The following COPG2 variants were observed in gnomAD, a reference collection of about 807,000 sequenced individuals.
The protein encoded by COPG2 is coatomer subunit gamma-2.
COPG2 carries 37 observed loss-of-function variants against 46.3 expected under a neutral mutation model. That is an observed-to-expected ratio of 0.80 (90% confidence interval 0.61 to 1.05). The LOEUF (loss-of-function observed/expected upper bound fraction) is 1.05. Among genes scored for constraint, COPG2 ranks in the 50% least tolerant of loss-of-function variants. The pLI, the probability that COPG2 is intolerant of heterozygous loss-of-function variation, is 0.00. For missense variants in COPG2, 427 were observed against 387.8 expected, an observed-to-expected ratio of 1.10 and a Z score of -0.85; for synonymous variants, 159 against 129.7, an observed-to-expected ratio of 1.23 and a Z score of -1.53.
chr7:130,654,070 A>G (rs1795802032), intron 4 of COPG2, among the ~76,000 whole-genome samples: 1 of 152,220 alleles, frequency 6.6e-6, no homozygotes, highest in African/African-American at 2.4e-5. Flanking sequence ...CATCAGGGAA[A>G]TGAAAATTAC....
intron 9 of COPG2, among the ~76,000 whole-genome samples, chr7:130,578,137 G>A (rs1299702191): frequency 1.3e-5 from 2 of 151,120 alleles, no homozygotes; most frequent in African/African-American, 2.4e-5. Context: ...CTCCCAGCAC[G>A]CAGCTGGAGA....
chr7:130,519,377 T>G (rs1324839838), intron 20 of COPG2, among the ~76,000 whole-genome samples: 1 of 152,128 alleles, frequency 6.6e-6, no homozygotes, highest in African/African-American at 2.4e-5. Flanking sequence ...GGACTTAAAA[T>G]GGGTCAGAGC....
intron 20 of COPG2, among the ~76,000 whole-genome samples, chr7:130,537,387 C>T (rs889108762): frequency 3.7e-4 from 55 of 149,100 alleles, no homozygotes; most frequent in East Asian, 3.5e-3. Flanking sequence ...GCAGTGGGTG[C>T]GGGGCCAGGT....
At chr7:130,639,629 C>A (rs1014472071) in intron 5 of COPG2, among the ~76,000 whole-genome samples, 2 of 152,160 alleles carry the variant, frequency 1.3e-5, no homozygotes, top group Non-Finnish European at 2.9e-5. Flanking sequence ...AGGAATCAAC[C>A]CAGTTAGTTT....
chr7:130,607,838 G>C (rs77984511), intron 9 of COPG2: 26,949 of 516,908 alleles, frequency 0.052, 870 homozygotes, highest in Admixed American at 0.1. Flanking sequence ...CAGGAGAATA[G>C]CAAAAAAACC....
intron 9 of COPG2, chr7:130,610,007 A>G (rs958215592): frequency 4.4e-5 from 22 of 503,670 alleles, no homozygotes; most frequent in Non-Finnish European, 7.9e-5. Flanking sequence ...GTCACTGCCT[A>G]GTAATTTCTA....
chr7:130,629,079 T>C (rs563967012), intron 5 of COPG2, among the ~76,000 whole-genome samples: 33 of 152,268 alleles, frequency 2.2e-4, no homozygotes, highest in African/African-American at 6.5e-4. Context: ...TCTCACTGGG[T>C]ATAAAATTAT....
At chr7:130,591,990 C>T (rs1563053083) in intron 9 of COPG2, among the ~76,000 whole-genome samples, 1 of 152,146 alleles carries the variant, frequency 6.6e-6, no homozygotes, top group Non-Finnish European at 1.5e-5. Context: ...ATTGAGAAAT[C>T]GGATGGTTGC....
chr7:130,668,586 G>T (rs782377798), intron 1 of COPG2, 46 bp downstream of exon 1: 1 of 1,484,008 alleles, frequency 6.7e-7, no homozygotes, highest in Non-Finnish European at 9.0e-7. Context: ...GGCGGGGGAA[G>T]GGGCGTCCCG....
intron 9 of COPG2, among the ~76,000 whole-genome samples, chr7:130,577,779 A>C (rs1165857864): frequency 2.4e-4 from 37 of 151,210 alleles, no homozygotes; most frequent in African/African-American, 5.6e-4. Flanking sequence ...AAAAAAAAAA[A>C]AAAAAAAAAC....
intron 20 of COPG2, among the ~76,000 whole-genome samples, chr7:130,540,040 G>A (rs977977757): frequency 6.6e-6 from 1 of 151,994 alleles, no homozygotes; most frequent in Non-Finnish European, 1.5e-5. Context: ...GGGTGGGTTG[G>A]GTGAAGGGGA....
intron 3 of COPG2, among the ~76,000 whole-genome samples, chr7:130,663,730 CTTTTTTTT>C (rs71178602): frequency 1.8e-4 from 12 of 67,158 alleles, no homozygotes; most frequent in South Asian, 1.4e-3. Flanking sequence ...CATTTCTTTT[CTTTTTTTT>C]TTTTTTTTTT....
intron 5 of COPG2, among the ~76,000 whole-genome samples, chr7:130,630,399 T>C (rs1795206854): frequency 6.6e-6 from 1 of 152,230 alleles, no homozygotes; most frequent in Admixed American, 6.5e-5. Flanking sequence ...CATATTGATC[T>C]TGTATTCTGC....
chr7:130,611,004 T>C lies in COPG2; in HGVS notation c.686A>G (p.Tyr229Cys), dbSNP rs1563058742. The C allele has an allele frequency of 6.2e-7, 1 of 1,613,938 alleles. No homozygotes were observed. The highest frequency in any genetic ancestry group is 8.5e-7 in the Non-Finnish European group (1 of 1,179,856). ...ACTGGCAATTCGGATCAGCATGCAG[T>C]AAGCAAACTGTGACTTGAGACCAGA... Reference protein sequence around the residue: ...TKSGLKSQFAYCMLIRIASRL... With the variant: ...TKSGLKSQFACCMLIRIASRL... Residue 229 changes from tyrosine (Y) to cysteine (C), a missense_variant, in exon 9 of 24, where the codon TAC (tyrosine) becomes TGC (cysteine). Transcript: ENST00000425248.
intron 20 of COPG2, chr7:130,510,856 CT>C (rs781949842): frequency 1.2e-5 from 6 of 511,884 alleles, no homozygotes; most frequent in East Asian, 5.5e-5. Context: ...ATGCGGGGGC[CT>C]TTCCATGGCA....
intron 15 of COPG2, among the ~76,000 whole-genome samples, chr7:130,551,581 CGAG>C (rs1182399805): frequency 6.6e-6 from 1 of 152,148 alleles, no homozygotes; most frequent in Non-Finnish European, 1.5e-5. Flanking sequence ...ATTAAAATAA[CGAG>C]GAGCACAAGA....
intron 9 of COPG2, among the ~76,000 whole-genome samples, chr7:130,572,343 T>G (rs1793920759): frequency 6.6e-6 from 1 of 152,148 alleles, no homozygotes; most frequent in African/African-American, 2.4e-5. Context: ...ACAGAAGACT[T>G]GAACAACATG....
At chr7:130,581,627 C>T (rs1394710967) in intron 9 of COPG2, among the ~76,000 whole-genome samples, 2 of 124,086 alleles carry the variant, frequency 1.6e-5, no homozygotes, top group Non-Finnish European at 3.4e-5. Flanking sequence ...TCTCCTTAAG[C>T]TGATAAGCAA....
chr7:130,604,166 G>A (rs891701010), intron 9 of COPG2, among the ~76,000 whole-genome samples: 1 of 152,128 alleles, frequency 6.6e-6, no homozygotes, highest in African/African-American at 2.4e-5. Context: ...GTGGACCCAT[G>A]CAGTTCAAAC....
Sources: allele counts gnomAD v4.1 joint callset (sites outside exome capture counted in the v4.1 genomes callset), GRCh38; gene constraint gnomAD v4.1.1; transcripts MANE v1.5; gene names NCBI Gene and HGNC (gene_info 2026-07-23, HGNC 2026-07-21).